Variants in NRXN1 observed in about 807,000 individuals in gnomAD.
The protein encoded by NRXN1 is neurexin 1, also known as neurexin-1.
NRXN1 carries 39 observed loss-of-function variants against 150.9 expected under a neutral mutation model. The observed-to-expected ratio is 0.26, with a 90% CI of 0.20 to 0.34. The LOEUF (loss-of-function observed/expected upper bound fraction) is 0.34, where lower values mean the gene tolerates loss of function less well. Among genes scored for constraint, NRXN1 ranks in the 10% least tolerant of loss-of-function variants. NRXN1 has a pLI of 1.00. For synonymous variants in NRXN1, 924 were observed against 757.0 expected, an observed-to-expected ratio of 1.22 and a Z score of -3.62; for missense variants, 1,815 against 1,949.9, an observed-to-expected ratio of 0.93 and a Z score of 1.30.
At chr2:50,300,265 T>C (rs2074028044) in intron 17 of NRXN1, among the ~76,000 whole-genome samples, 2 of 152,212 alleles carry the variant, frequency 1.3e-5, no homozygotes, top group Admixed American at 6.5e-5. Flanking sequence ...ACCACCCTGA[T>C]CCTAGTGATG....
chr2:50,294,031 C>A (rs2073262877), intron 17 of NRXN1, among the ~76,000 whole-genome samples: 1 of 152,188 alleles, frequency 6.6e-6, no homozygotes, highest in African/African-American at 2.4e-5. Context: ...TCTAAAACTG[C>A]TTTGAGTAAC....
intron 2 of NRXN1, among the ~76,000 whole-genome samples, chr2:51,015,611 A>G (rs1226195262): frequency 6.6e-6 from 1 of 152,014 alleles, no homozygotes; most frequent in African/African-American, 2.4e-5. Flanking sequence ...TTTATGAAGG[A>G]AATCAATATA....
intron 5 of NRXN1, among the ~76,000 whole-genome samples, chr2:50,920,936 T>C (rs541247570): frequency 8.6e-5 from 13 of 151,638 alleles, no homozygotes; most frequent in African/African-American, 2.9e-4. Context: ...AGCAGAAAAG[T>C]TTTCCTGCTA....
intron 17 of NRXN1, among the ~76,000 whole-genome samples, chr2:50,376,991 C>A (rs867478141): frequency 1.3e-5 from 2 of 150,310 alleles, no homozygotes; most frequent in Non-Finnish European, 3.0e-5. Context: ...TAAGGGATTT[C>A]CTTTATTATT....
At chr2:50,486,193 G>C (rs6724631) in intron 15 of NRXN1, among the ~76,000 whole-genome samples, 89,413 of 151,986 alleles carry the variant, frequency 0.59, 27,304 homozygotes, top group African/African-American at 0.74. Flanking sequence ...TTAATGTAAT[G>C]CTTTCACACA....
chr2:50,703,329 T>G (rs1366732300), intron 5 of NRXN1, among the ~76,000 whole-genome samples: 1 of 152,104 alleles, frequency 6.6e-6, no homozygotes, highest in African/African-American at 2.4e-5. Flanking sequence ...AACTCTTTTT[T>G]GATGATTGCA....
chr2:50,484,564 A>T (rs1350258722), intron 15 of NRXN1, among the ~76,000 whole-genome samples: 1 of 152,202 alleles, frequency 6.6e-6, no homozygotes, highest in Non-Finnish European at 1.5e-5. Flanking sequence ...ACTGATTGAT[A>T]GGCCAACCCC....
At chr2:50,463,552 T>C (rs2088476659) in intron 17 of NRXN1, among the ~76,000 whole-genome samples, 1 of 151,704 alleles carries the variant, frequency 6.6e-6, no homozygotes, top group African/African-American at 2.4e-5. Flanking sequence ...TACAAGAAAA[T>C]AACGAATAGC....
rs199870392 is a variant in NRXN1 at position 50,495,892 on chromosome 2, A to C, written c.3070+13T>G. ...GGTGCAAGGCTCGTTGCTCTGACTTAACATGCACTTACTCTTGAGGTCTAA... is the reference window on the plus strand; with the variant it reads ...GGTGCAAGGCTCGTTGCTCTGACTTCACATGCACTTACTCTTGAGGTCTAA... On this transcript the variant is annotated intron_variant, in intron 15 of 22. Coordinates refer to ENST00000401669, the MANE Select transcript of NRXN1 (RefSeq NM_001330078.2). 1.5e-5 allele frequency: 23 copies of C among 1,579,392 alleles called. No individual in the cohort carries two copies. The highest frequency in any genetic ancestry group is 1.8e-5 in the Non-Finnish European group (21 of 1,162,138).
chr2:50,334,845 T>A (rs2077078096), intron 17 of NRXN1, among the ~76,000 whole-genome samples: 1 of 152,204 alleles, frequency 6.6e-6, no homozygotes, highest in African/African-American at 2.4e-5. Context: ...AAGTTAACCT[T>A]GGAGGAGGGG....
intron 12 of NRXN1, among the ~76,000 whole-genome samples, chr2:50,520,875 A>T (rs1465263684): frequency 6.6e-6 from 1 of 152,064 alleles, no homozygotes; most frequent in Admixed American, 6.6e-5. Context: ...TGATTTAAAA[A>T]TTTCTTTTTT....
intron 18 of NRXN1, among the ~76,000 whole-genome samples, chr2:50,200,457 T>G (rs2062079973): frequency 6.6e-6 from 1 of 152,076 alleles, no homozygotes; most frequent in Non-Finnish European, 1.5e-5. Flanking sequence ...AAAACATAAT[T>G]GTGAGTTGGA....
At chr2:50,903,897 G>A (rs867422205) in intron 5 of NRXN1, among the ~76,000 whole-genome samples, 3 of 152,174 alleles carry the variant, frequency 2.0e-5, no homozygotes, top group Admixed American at 6.5e-5. Context: ...AACGCCGGCT[G>A]TAGCCCTGAG....
intron 5 of NRXN1, among the ~76,000 whole-genome samples, chr2:50,802,054 T>C (rs910113004): frequency 6.6e-6 from 1 of 152,064 alleles, no homozygotes; most frequent in African/African-American, 2.4e-5. Context: ...GGAAAAAAAA[T>C]CAAACCCAAC....
At chr2:50,501,821 G>T (rs957575809) in intron 13 of NRXN1, among the ~76,000 whole-genome samples, 4 of 152,120 alleles carry the variant, frequency 2.6e-5, no homozygotes, top group African/African-American at 9.7e-5. Flanking sequence ...CCTAGGTGAG[G>T]TGCAAACATT....
intron 5 of NRXN1, among the ~76,000 whole-genome samples, chr2:50,764,749 A>C (rs1270478943): frequency 6.6e-6 from 1 of 151,968 alleles, no homozygotes; most frequent in East Asian, 1.9e-4. Flanking sequence ...GAGGGAGTGA[A>C]TGAGTGAGGA....
intron 13 of NRXN1, among the ~76,000 whole-genome samples, chr2:50,505,576 A>G (rs1270148058): frequency 3.9e-5 from 6 of 152,182 alleles, no homozygotes; most frequent in Admixed American, 3.9e-4. Flanking sequence ...GAACTGTCCT[A>G]GACCAAAACT....
chr2:50,808,353 G>A (rs1667784874), intron 5 of NRXN1, among the ~76,000 whole-genome samples: 1 of 151,936 alleles, frequency 6.6e-6, no homozygotes, highest in East Asian at 1.9e-4. Flanking sequence ...TTCTCAAAAG[G>A]CTAATATATT....
intron 5 of NRXN1, among the ~76,000 whole-genome samples, chr2:50,860,525 G>C (rs1675978812): frequency 6.6e-6 from 1 of 152,106 alleles, no homozygotes; most frequent in African/African-American, 2.4e-5. Context: ...ACACATTGCA[G>C]AGGCACAGAT....
Sources: allele counts gnomAD v4.1 joint callset (sites outside exome capture counted in the v4.1 genomes callset), GRCh38; gene constraint gnomAD v4.1.1; transcripts MANE v1.5; gene names NCBI Gene and HGNC (gene_info 2026-07-23, HGNC 2026-07-21).